Variants in AMMECR1 observed in about 807,000 individuals in gnomAD.
AMMECR1 encodes AMMECR nuclear protein 1.
Under a neutral mutation model 22.5 loss-of-function variants are expected in AMMECR1, and 3 were observed. The observed-to-expected ratio is 0.13, with a 90% confidence interval of 0.06 to 0.35. AMMECR1 has a LOEUF of 0.35. Among genes scored for constraint, AMMECR1 ranks in the 10% least tolerant of loss-of-function variants. The probability of loss-of-function intolerance (pLI) is 1.00; values close to 1 mark genes in which losing one functional copy is unlikely to be tolerated. For missense variants in AMMECR1, 235 were observed against 278.7 expected (o/e 0.84, Z 1.12); for synonymous variants, 130 against 116.7 (o/e 1.11, Z -0.74).
At chrX:110,337,736 A>G (rs1443284559) in intron 2 of AMMECR1, among the ~76,000 whole-genome samples, 1 of 112,422 alleles carries the variant, frequency 8.9e-6, no homozygotes, top group Non-Finnish European at 1.9e-5. Context: ...ATGACTTGAA[A>G]ACAGTGTCTT....
intron 2 of AMMECR1, among the ~76,000 whole-genome samples, chrX:110,391,761 C>A (rs1453364498): frequency 8.9e-6 from 1 of 112,169 alleles, no homozygotes; most frequent in African/African-American, 3.2e-5. Flanking sequence ...CTCTCTTGTG[C>A]CAGACACCCA....
At chrX:110,250,404 A>T (rs2067681145) in intron 2 of AMMECR1, among the ~76,000 whole-genome samples, 1 of 111,773 alleles carries the variant, frequency 8.9e-6, no homozygotes. Flanking sequence ...AGACTGTGAG[A>T]GATATTGTGG....
chrX:110,337,145 A>G (rs1340762314), intron 2 of AMMECR1, among the ~76,000 whole-genome samples: 1 of 111,224 alleles, frequency 9.0e-6, no homozygotes, highest in Non-Finnish European at 1.9e-5. Flanking sequence ...TTGGGCAAGT[A>G]GTTTAAACCT....
intron 2 of AMMECR1, among the ~76,000 whole-genome samples, chrX:110,258,052 A>G (rs1220492065): frequency 8.9e-6 from 1 of 111,759 alleles, no homozygotes; most frequent in African/African-American, 3.3e-5. Flanking sequence ...TCTCAACACT[A>G]CCTTTTCACA....
chrX:110,307,621 TGTGCATAGACAA>T (rs2068003258), intron 1 of AMMECR1, among the ~76,000 whole-genome samples: 1 of 111,296 alleles, frequency 9.0e-6, no homozygotes, highest in Non-Finnish European at 1.9e-5. Flanking sequence ...TTTATAGCTA[TGTGCATAGACAA>T]GTCAAGAAAA....
At chrX:110,340,667 G>C (rs1342769803) in intron 2 of AMMECR1, among the ~76,000 whole-genome samples, 2 of 112,355 alleles carry the variant, frequency 1.8e-5, no homozygotes, top group African/African-American at 6.5e-5. Context: ...GTGAGGACTG[G>C]AAAAGGTTGT....
chrX:110,268,395 T>G lies in AMMECR1; in HGVS notation c.474-3796A>C, dbSNP rs2067780762. 2.7e-5 allele frequency among the ~76,000 whole-genome samples: 3 copies of G among 112,318 alleles called. No individual in the cohort carries two copies. The Admixed American group carries it at 2.8e-4, about 11-fold the overall frequency. On this transcript the variant is annotated intron_variant, in intron 1 of 5. Transcript: ENST00000262844. ...AAACTATTCATTAAAAATCTGGGAC[T>G]CTAATTTCTCATTACAAATGCTCAT...
intron 2 of AMMECR1, among the ~76,000 whole-genome samples, chrX:110,234,038 G>T (rs2067585572): frequency 8.9e-6 from 1 of 112,049 alleles, no homozygotes; most frequent in Non-Finnish European, 1.9e-5. Flanking sequence ...AAGTCAAATT[G>T]TCCCTGTTTG....
chrX:110,205,899 C>T (rs1447377551), intron 3 of AMMECR1, among the ~76,000 whole-genome samples: 4 of 112,029 alleles, frequency 3.6e-5, no homozygotes. Flanking sequence ...ACCAGTTCAA[C>T]GGATTCATAT....
At chrX:110,263,068 C>T (rs2067750048) in intron 2 of AMMECR1, among the ~76,000 whole-genome samples, 1 of 111,244 alleles carries the variant, frequency 9.0e-6, no homozygotes, top group Non-Finnish European at 1.9e-5. Context: ...CAGTGTTCCT[C>T]ATAACAACTT....
At chrX:110,342,522 C>T (rs905933024) in intron 2 of AMMECR1, among the ~76,000 whole-genome samples, 1 of 111,020 alleles carries the variant, frequency 9.0e-6, no homozygotes, top group Non-Finnish European at 1.9e-5. Context: ...CAGGCACACG[C>T]CACCACGCCT....
intron 2 of AMMECR1, among the ~76,000 whole-genome samples, chrX:110,413,403 T>C (rs2068655073): frequency 1.8e-5 from 2 of 110,925 alleles, no homozygotes; most frequent in South Asian, 7.8e-4. Context: ...CTTCCCCTGT[T>C]TGCTTCCAGG....
chrX:110,277,244 C>T (rs1248415865), intron 1 of AMMECR1, among the ~76,000 whole-genome samples: 1 of 110,884 alleles, frequency 9.0e-6, no homozygotes, highest in Non-Finnish European at 1.9e-5. Context: ...GTGGGAAAAC[C>T]TATCACAAAT....
intron 1 of AMMECR1, among the ~76,000 whole-genome samples, chrX:110,312,613 C>T (rs1326425736): frequency 8.9e-6 from 1 of 112,031 alleles, no homozygotes; most frequent in Non-Finnish European, 1.9e-5. Context: ...CCACATACAC[C>T]TTTATGCATG....
At chrX:110,439,351 C>T (rs982989639) in intron 1 of AMMECR1, among the ~76,000 whole-genome samples, 1 of 112,284 alleles carries the variant, frequency 8.9e-6, no homozygotes, top group Non-Finnish European at 1.9e-5. Context: ...AGCGTGGAGC[C>T]TCCCCATTGT....
In AMMECR1 at chrX:110,336,225, A is replaced by AT. The variant is rs1243476452; in HGVS notation, c.-147-18377dup. On this transcript the variant is annotated intron_variant, in intron 2 of 7. Transcript: ENST00000372057. Reference sequence around the variant, plus strand: ...AAACCAGTCTCAACCTTTTTGAGCTATTTTTAGAGGTTAGGTGTTTCATTG... The same window carrying AT: ...AAACCAGTCTCAACCTTTTTGAGCTATTTTTTAGAGGTTAGGTGTTTCATTG... Among the ~76,000 whole-genome samples the AT allele has an allele frequency of 2.7e-5, 3 of 111,625 alleles. No individual in the cohort carries two copies. The Admixed American group carries it at 2.9e-4, about 11-fold the overall frequency.
chrX:110,373,209 C>A (rs913642465), intron 2 of AMMECR1, among the ~76,000 whole-genome samples: 1 of 111,811 alleles, frequency 8.9e-6, no homozygotes, highest in Non-Finnish European at 1.9e-5. Flanking sequence ...AGGACCATGC[C>A]TGTAAGTAAA....
At chrX:110,428,936 C>A (rs902888155) in intron 1 of AMMECR1, among the ~76,000 whole-genome samples, 2 of 112,221 alleles carry the variant, frequency 1.8e-5, no homozygotes, top group Non-Finnish European at 3.8e-5. Context: ...ACAGGTCTGC[C>A]CCTACGTGTA....
chrX:110,358,528 G>C (rs1305240936), intron 2 of AMMECR1, among the ~76,000 whole-genome samples: 2 of 111,045 alleles, frequency 1.8e-5, no homozygotes, highest in African/African-American at 6.5e-5. Flanking sequence ...CAAGCAAGCT[G>C]AGGCTCAGAC....
Sources: allele counts gnomAD v4.1 joint callset (sites outside exome capture counted in the v4.1 genomes callset), GRCh38; gene constraint gnomAD v4.1.1; transcripts MANE v1.5; gene names NCBI Gene and HGNC (gene_info 2026-07-23, HGNC 2026-07-21).